Variants in SYNCRIP observed in about 807,000 individuals in gnomAD.
SYNCRIP encodes the protein heterogeneous nuclear ribonucleoprotein Q.
A neutral mutation model predicts 68.9 loss-of-function variants in SYNCRIP; 9 were observed. That is an observed-to-expected ratio of 0.13 (90% CI 0.08 to 0.23). The LOEUF (loss-of-function observed/expected upper bound fraction) is 0.23. Among genes scored for constraint, SYNCRIP ranks in the 10% least tolerant of loss-of-function variants. The pLI is 1.00. For synonymous variants in SYNCRIP, 258 were observed against 254.0 expected (o/e 1.02, Z -0.15); for missense variants, 414 against 770.6 (o/e 0.54, Z 5.48).
intron 7 of SYNCRIP, 52 bp from the exon 8 acceptor site, chr6:85,622,739 C>A (rs760923505): frequency 3.0e-5 from 42 of 1,407,972 alleles, no homozygotes; most frequent in Non-Finnish European, 4.1e-5. Flanking sequence ...CTAGCAAATA[C>A]AAGTGGATCA....
chr6:85,632,615 A>T (rs540132145), intron 6 of SYNCRIP, among the ~76,000 whole-genome samples: 158 of 152,306 alleles, frequency 1.0e-3, no homozygotes, highest in Non-Finnish European at 2.0e-3. Flanking sequence ...AATCTACCAG[A>T]TCCTACCCAC....
intron 6 of SYNCRIP, among the ~76,000 whole-genome samples, chr6:85,634,532 A>G (rs145149205): frequency 0.016 from 2,471 of 152,024 alleles, 28 homozygotes; most frequent in Middle Eastern, 0.028. Context: ...CTTAAATAGC[A>G]TAGTGTTTGC....
chr6:85,638,858 C>T (rs1265178590), intron 4 of SYNCRIP, among the ~76,000 whole-genome samples: 1 of 152,198 alleles, frequency 6.6e-6, no homozygotes, highest in Non-Finnish European at 1.5e-5. Flanking sequence ...CTTATTCCCT[C>T]TGTCAAACTT....
At chr6:85,639,791 AAT>A (rs1808913374) in intron 4 of SYNCRIP, among the ~76,000 whole-genome samples, 1 of 152,196 alleles carries the variant, frequency 6.6e-6, no homozygotes, top group African/African-American at 2.4e-5. Context: ...TGCTTTGAGA[AAT>A]AGTCTAATAA....
intron 10 of SYNCRIP, among the ~76,000 whole-genome samples, chr6:85,616,281 G>A (rs1805760704): frequency 6.6e-6 from 1 of 152,006 alleles, no homozygotes; most frequent in Non-Finnish European, 1.5e-5. Flanking sequence ...CCCTCTTGAA[G>A]GAATAATTTA....
intron 6 of SYNCRIP, among the ~76,000 whole-genome samples, chr6:85,636,656 CCA>C (rs1469463004): frequency 1.3e-5 from 2 of 152,036 alleles, no homozygotes; most frequent in African/African-American, 2.4e-5. Context: ...AGAGCTCTTA[CCA>C]CAGTTACTTT....
intron 7 of SYNCRIP, among the ~76,000 whole-genome samples, chr6:85,623,211 C>T (rs1469154860): frequency 6.6e-6 from 1 of 152,072 alleles, no homozygotes; most frequent in Non-Finnish European, 1.5e-5. Flanking sequence ...TAAAAGCAAC[C>T]TGTCACTTAA....
Position 85,615,121 on chromosome 6 carries a change from C to T in SYNCRIP, c.1507G>A (p.Ala503Thr). ...VGARGRGGRG[A>T]RGAAPSRGRG... Reference sequence around the variant, plus strand: ...CCTCTGGATGGAGCAGCACCCCTTGCTCCTCTACCACCCCTTCCTCTAGCT... The same window carrying T: ...CCTCTGGATGGAGCAGCACCCCTTGTTCCTCTACCACCCCTTCCTCTAGCT... Residue 503 changes from alanine (A) to threonine (T), a missense_variant, in exon 11 of 11, where the codon GCA (alanine) becomes ACA (threonine). Ala to Thr is a moderately conservative substitution (Grantham distance 58, BLOSUM62 0). Transcript: ENST00000369622. 1 of 1,614,090 alleles carries T rather than the reference C, an allele frequency of 6.2e-7. No individual in the cohort carries two copies. Among genetic ancestry groups the T allele is most frequent in the Non-Finnish European group, 8.5e-7 (1 of 1,180,026 alleles).
intron 6 of SYNCRIP, among the ~76,000 whole-genome samples, chr6:85,636,420 AAG>A (rs1235382427): frequency 2.0e-5 from 3 of 152,064 alleles, no homozygotes; most frequent in Non-Finnish European, 4.4e-5. Context: ...CAGCCTGGGC[AAG>A]AGAGAGAAAC....
intron 10 of SYNCRIP, 150 bp from the exon 11 acceptor site, chr6:85,615,497 T>C (rs560703929): frequency 5.8e-6 from 3 of 516,030 alleles, no homozygotes; most frequent in East Asian, 6.5e-5. Context: ...GATTAAGTTT[T>C]AGTAGTAGTA....
intron 6 of SYNCRIP, among the ~76,000 whole-genome samples, chr6:85,626,988 A>G (rs961537101): frequency 2.6e-5 from 4 of 152,280 alleles, no homozygotes; most frequent in African/African-American, 9.6e-5. Context: ...AACTTGGGCC[A>G]GGCGCGGTGG....
rs1562087668 is a variant in SYNCRIP, at chr6:85,623,572, A to AC, written c.802+404_802+405insG. ...AAGCAAGACTGTCTCCAAAAAAAAA[A>AC]AAAAAAAAAAACACTCTGCTACGGC... On this transcript the variant is annotated intron_variant, in intron 7 of 10. Coordinates refer to ENST00000369622, the MANE Select transcript of SYNCRIP (RefSeq NM_006372.5). 7.2e-4 allele frequency among the ~76,000 whole-genome samples: 108 copies of AC among 149,940 alleles called. 2 individuals carry two copies. The Middle Eastern group carries it at 0.01, about 14-fold the overall frequency.
chr6:85,642,740 C>G (rs866617065), intron 1 of SYNCRIP, 57 bp downstream of exon 1: 5 of 153,078 alleles, frequency 3.3e-5, no homozygotes, highest in Admixed American at 2.0e-4. Context: ...CCTCCCCCAG[C>G]TCACTCCACA....
chr6:85,635,529 C>T (rs979929767), intron 6 of SYNCRIP, among the ~76,000 whole-genome samples: 1 of 151,864 alleles, frequency 6.6e-6, no homozygotes, highest in Non-Finnish European at 1.5e-5. Flanking sequence ...CAGCACTTTG[C>T]GGGGCTGAGG....
At chr6:85,631,556 TGAATGGTAC>T (rs1807793399) in intron 6 of SYNCRIP, among the ~76,000 whole-genome samples, 2 of 152,164 alleles carry the variant, frequency 1.3e-5, no homozygotes, top group South Asian at 4.2e-4. Context: ...TTCAGTAGTC[TGAATGGTAC>T]AAATGGTACC....
chr6:85,616,673 C>T (rs1403288352), intron 10 of SYNCRIP, among the ~76,000 whole-genome samples: 3 of 152,120 alleles, frequency 2.0e-5, no homozygotes, highest in Non-Finnish European at 4.4e-5. Flanking sequence ...TTATTAAAGG[C>T]CCCTGTTCCA....
In SYNCRIP at chr6:85,615,287, C is replaced by T. The variant is rs373692923; in HGVS notation, c.1341G>A (p.Gly447=). 6.3e-7 allele frequency: 1 copy of T among 1,582,338 alleles called. No individual in the cohort carries two copies. The highest frequency in any genetic ancestry group is 1.3e-5 in the African/African-American group (1 of 74,364). ...PHMPPPTRGR[G]RGGRGGYGYP... ...ATCCATAACCACCTCTACCTCCACG[C>T]CCTCGACCTCTTGTTGGAGGGGGCA... Residue 447 remains glycine (G), a synonymous_variant, in exon 11 of 11, where the codon GGG becomes GGA. Transcript: ENST00000369622.
chr6:85,608,879 T>G (rs1227918230), exon 12 of SYNCRIP: 2 of 151,968 alleles, frequency 1.3e-5, no homozygotes, highest in East Asian at 3.8e-4. Context: ...CTTAAATACT[T>G]TTAAAAAGTG....
chr6:85,641,522 T>A (rs991879530), intron 1 of SYNCRIP, 71 bp from the exon 2 acceptor site: 2 of 1,456,492 alleles, frequency 1.4e-6, no homozygotes, highest in Non-Finnish European at 1.9e-6. Context: ...GAGAGCCCCA[T>A]CTTTACTTTC....
Sources: gnomAD v4.1 joint callset for allele counts (sites outside exome capture counted in the v4.1 genomes callset) on GRCh38, gnomAD v4.1.1 for gene constraint, MANE v1.5 for transcripts, NCBI Gene and HGNC (gene_info 2026-07-23, HGNC 2026-07-21) for gene names.